The following OSBPL6 variants were observed in gnomAD, a reference collection of about 807,000 sequenced individuals.
OSBPL6 encodes oxysterol binding protein like 6.
OSBPL6 carries 49 observed loss-of-function variants against 125.8 expected under a neutral mutation model. The ratio of observed to expected loss-of-function variants is 0.39; its 90% confidence interval spans 0.31 to 0.49. OSBPL6 has a LOEUF of 0.49. Ranked by LOEUF, OSBPL6 falls within the 20% of genes least tolerant of loss-of-function variation. The probability of loss-of-function intolerance (pLI) is 0.88; values close to 1 mark genes in which losing one functional copy is unlikely to be tolerated. For synonymous variants in OSBPL6, 394 were observed against 391.8 expected (o/e 1.01, Z -0.07); for missense variants, 986 against 1,135.4 (o/e 0.87, Z 1.89).
chr2:178,263,799 G>GT (rs1346197705), intron 1 of OSBPL6, among the ~76,000 whole-genome samples: 2 of 105,806 alleles, frequency 1.9e-5, no homozygotes, highest in Non-Finnish European at 3.9e-5. Context: ...ACACTCAACT[G>GT]TGTACACGTG....
At chr2:178,338,285 A>T (rs919542845) in intron 9 of OSBPL6, among the ~76,000 whole-genome samples, 2 of 150,918 alleles carry the variant, frequency 1.3e-5, no homozygotes, top group Non-Finnish European at 3.0e-5. Flanking sequence ...TTTTTTTTTT[A>T]AAGAGTGATA....
chr2:178,235,917 AG>A (rs1225326908), intron 1 of OSBPL6, among the ~76,000 whole-genome samples: 5 of 152,230 alleles, frequency 3.3e-5, no homozygotes, highest in African/African-American at 1.2e-4. Context: ...GAATGTAATC[AG>A]AATATGAAAA....
chr2:178,321,835 A>G (rs1668431765), intron 3 of OSBPL6, among the ~76,000 whole-genome samples: 1 of 152,224 alleles, frequency 6.6e-6, no homozygotes, highest in Non-Finnish European at 1.5e-5. Flanking sequence ...AACAGAATTT[A>G]GGGTTTAGAT....
chr2:178,213,917 C>T (rs2089977766), intron 1 of OSBPL6, among the ~76,000 whole-genome samples: 1 of 152,178 alleles, frequency 6.6e-6, no homozygotes, highest in Non-Finnish European at 1.5e-5. Context: ...CAGTGTCATT[C>T]CTCGGTGGCA....
chr2:178,201,085 T>C (rs1212161811), intron 1 of OSBPL6, among the ~76,000 whole-genome samples: 2 of 152,238 alleles, frequency 1.3e-5, no homozygotes, highest in African/African-American at 2.4e-5. Context: ...TGAGCCACTG[T>C]GCCTGGCCCA....
At chr2:178,235,351 ATT>A (rs1351212336) in intron 1 of OSBPL6, among the ~76,000 whole-genome samples, 1 of 93,818 alleles carries the variant, frequency 1.1e-5, no homozygotes, top group East Asian at 3.3e-4. Flanking sequence ...TTTTTATACA[ATT>A]TCTTTTTTTT....
intron 1 of OSBPL6, among the ~76,000 whole-genome samples, chr2:178,252,948 C>T (rs536525407): frequency 9.2e-5 from 14 of 152,156 alleles, no homozygotes; most frequent in East Asian, 3.9e-4. Context: ...TTTTCTCTGC[C>T]GCTCTTGGAC....
chr2:178,294,867 CTTTT>C (rs35140268), intron 2 of OSBPL6, among the ~76,000 whole-genome samples: 2 of 133,688 alleles, frequency 1.5e-5, no homozygotes, highest in African/African-American at 2.8e-5. Context: ...TCACCATTAG[CTTTT>C]TTTTTTTTTT....
intron 3 of OSBPL6, chr2:178,320,505 A>T: frequency 8.3e-7 from 1 of 1,205,468 alleles, no homozygotes; most frequent in Non-Finnish European, 1.2e-6. Context: ...ATTTTAGAAG[A>T]ATAATTAACT....
chr2:178,369,115 A>G (rs754884872), intron 13 of OSBPL6, among the ~76,000 whole-genome samples: 5 of 152,076 alleles, frequency 3.3e-5, no homozygotes, highest in Non-Finnish European at 5.9e-5. Context: ...AATAAGAAAT[A>G]CTTTAACTGA....
chr2:178,351,182 A>G (rs949952877), intron 12 of OSBPL6, among the ~76,000 whole-genome samples: 2 of 152,216 alleles, frequency 1.3e-5, no homozygotes, highest in African/African-American at 4.8e-5. Context: ...AAGATCTGGT[A>G]CAAGGCAAGG....
At chr2:178,277,471 C>T (rs62177257) in intron 1 of OSBPL6, among the ~76,000 whole-genome samples, 17,671 of 152,180 alleles carry the variant, frequency 0.12, 1,162 homozygotes, top group Non-Finnish European at 0.15. Context: ...AAAACACTTT[C>T]CCTACCCTCA....
At chr2:178,287,234 T>C (rs895102563) in intron 2 of OSBPL6, among the ~76,000 whole-genome samples, 5 of 152,022 alleles carry the variant, frequency 3.3e-5, no homozygotes, top group African/African-American at 1.2e-4. Flanking sequence ...AGAGTCCAAC[T>C]GGTAATGCCT....
At chr2:178,351,015 G>A (rs1055687345) in intron 12 of OSBPL6, among the ~76,000 whole-genome samples, 8 of 152,042 alleles carry the variant, frequency 5.3e-5, no homozygotes, top group African/African-American at 1.9e-4. Flanking sequence ...TGCAGCAAAA[G>A]CATTTGTCAA....
At chr2:178,372,429 T>A (rs572353565) in intron 14 of OSBPL6, among the ~76,000 whole-genome samples, 196 bp downstream of exon 14, 16 of 152,300 alleles carry the variant, frequency 1.1e-4, no homozygotes, top group African/African-American at 3.6e-4. Context: ...TGGTGATCAG[T>A]GTCTATTTTT....
chr2:178,269,638 G>A (rs1446420707), intron 1 of OSBPL6, among the ~76,000 whole-genome samples: 2 of 152,142 alleles, frequency 1.3e-5, no homozygotes, highest in Admixed American at 1.3e-4. Context: ...CCCAGTGTTA[G>A]CATTACTCAT....
intron 1 of OSBPL6, among the ~76,000 whole-genome samples, chr2:178,272,269 T>A (rs1447579995): frequency 6.6e-6 from 1 of 152,230 alleles, no homozygotes; most frequent in Non-Finnish European, 1.5e-5. Context: ...AGACTGCTGA[T>A]GTTTGGATAT....
intron 12 of OSBPL6, among the ~76,000 whole-genome samples, chr2:178,354,092 A>C (rs1691546541): frequency 6.6e-6 from 1 of 152,238 alleles, no homozygotes; most frequent in South Asian, 2.1e-4. Flanking sequence ...GGAAGCACTA[A>C]ACATGGAAAG....
At position 178,324,181 on chromosome 2, in the gene OSBPL6, T is replaced by C; in HGVS notation, c.107T>C (p.Ile36Thr). Residue 36 changes from isoleucine (I) to threonine (T), a missense_variant, in exon 4 of 25, where the codon ATT becomes ACT. Ile to Thr is a moderately conservative substitution (Grantham distance 89). Around this residue, in one of 3 missense-constraint regions of OSBPL6, gnomAD observed 130 missense variants for 106.4 expected, o/e 1.22. Coordinates refer to ENST00000190611, the MANE Select transcript of OSBPL6 (RefSeq NM_032523.4). ...TSSQRDSRQS[I>T]HILERTASSS... ...TATGTTTTCATTTATTTTCAGAGTATTCACATACTGGAGAGGACTGCTTCC... is the reference window on the plus strand; with the variant it reads ...TATGTTTTCATTTATTTTCAGAGTACTCACATACTGGAGAGGACTGCTTCC... The C allele has an allele frequency of 6.5e-7, 1 of 1,536,308 alleles. No homozygotes were observed. Among genetic ancestry groups the C allele is most frequent in the Non-Finnish European group, 8.9e-7 (1 of 1,124,746 alleles).
Sources: allele counts gnomAD v4.1 joint callset (sites outside exome capture counted in the v4.1 genomes callset), GRCh38; gene constraint gnomAD v4.1.1; regional missense constraint gnomAD v4.1.1; transcripts MANE v1.5; gene names NCBI Gene and HGNC (gene_info 2026-07-23, HGNC 2026-07-21).